C14orf39: variants seen among roughly 807,000 people sequenced by gnomAD.
C14orf39 encodes chromosome 14 open reading frame 39, also known as protein SIX6OS1.
In C14orf39, 66 loss-of-function variants were observed where a neutral mutation model predicts 85.6. The observed-to-expected ratio is 0.77, with a 90% CI of 0.63 to 0.95. The LOEUF (loss-of-function observed/expected upper bound fraction) is 0.95, where lower values mean the gene tolerates loss of function less well. Among genes scored for constraint, C14orf39 ranks in the 40% least tolerant of loss-of-function variants. The pLI, the probability that C14orf39 is intolerant of heterozygous loss-of-function variation, is 0.00. For synonymous variants in C14orf39, 242 were observed against 214.0 expected, an observed-to-expected ratio of 1.13 and a Z score of -1.14; for missense variants, 735 against 663.9, an observed-to-expected ratio of 1.11 and a Z score of -1.18.
chr14:60,493,741 AAAAAGG>A (rs1188501103), intron 2 of C14orf39: 1 of 152,260 alleles, frequency 6.6e-6, no homozygotes, highest in Non-Finnish European at 1.5e-5. Flanking sequence ...TATCAGTAAG[AAAAAGG>A]AAAACAGGAA....
chr14:60,440,344 A>G (rs1214507045), intron 17 of C14orf39, among the ~76,000 whole-genome samples: 1 of 152,202 alleles, frequency 6.6e-6, no homozygotes, highest in African/African-American at 2.4e-5. Context: ...AGAGCCTTCC[A>G]TATTTCTATA....
At chr14:60,441,950 A>G in intron 17 of C14orf39, 124 bp downstream of exon 17, 2 of 619,816 alleles carry the variant, frequency 3.2e-6, no homozygotes, top group Non-Finnish European at 5.8e-6. Context: ...ATCAGTGAGT[A>G]GTGCAGAAGT....
upstream of C14orf39, among the ~76,000 whole-genome samples, chr14:60,490,247 A>G (rs1892966475): frequency 6.6e-6 from 1 of 152,108 alleles, no homozygotes; most frequent in African/African-American, 2.4e-5. Flanking sequence ...TATCAATCCA[A>G]GTCAGTAATT....
chr14:60,481,353 A>C (rs1892630166), intron 4 of C14orf39, among the ~76,000 whole-genome samples: 1 of 152,198 alleles, frequency 6.6e-6, no homozygotes, highest in African/African-American at 2.4e-5. Context: ...AAATGGAATC[A>C]CTTAATCAAA....
In C14orf39 at chr14:60,495,650, G is replaced by A. The variant is rs148025010; in HGVS notation, c.-9+3646C>T. 544 of 198,386 alleles carry A rather than the reference G, an allele frequency of 2.7e-3. 3 individuals are homozygous for A. The highest frequency in any genetic ancestry group is 0.012 in the African/African-American group (503 of 42,994). 12.3% of individuals were successfully genotyped at this position (198,386 alleles called of 1,614,324 possible). On this transcript the variant is annotated intron_variant, in intron 2 of 5. Transcript: ENST00000556799. ...GAAAATATCTATGAAAGCACACCTT[G>A]GATTACCCTTGGTGGTGAAGCCATG...
intron 17 of C14orf39, among the ~76,000 whole-genome samples, chr14:60,437,430 T>G (rs1051414726): frequency 6.6e-6 from 1 of 151,948 alleles, no homozygotes; most frequent in East Asian, 1.9e-4. Context: ...ATAATAAAGA[T>G]GTATTAAGTG....
intron 11 of C14orf39, among the ~76,000 whole-genome samples, chr14:60,465,481 T>C (rs1190894614): frequency 6.6e-6 from 1 of 152,080 alleles, no homozygotes; most frequent in Non-Finnish European, 1.5e-5. Context: ...AGTCATTCCA[T>C]TGCTGATGCC....
At chr14:60,490,938 A>G (rs1028819429), upstream of C14orf39, among the ~76,000 whole-genome samples, 11 of 152,234 alleles carry the variant, frequency 7.2e-5, no homozygotes, top group African/African-American at 2.7e-4. Context: ...TTGGGTAGAT[A>G]TATTTCATTA....
chr14:60,477,808 G>T (rs1369086934), intron 5 of C14orf39, among the ~76,000 whole-genome samples: 1 of 151,998 alleles, frequency 6.6e-6, no homozygotes, highest in African/African-American at 2.4e-5. Flanking sequence ...ATATATCTAG[G>T]ATTAGAGAGA....
At chr14:60,492,603 CAA>C (rs33957461) in intron 2 of C14orf39, among the ~76,000 whole-genome samples, 195 of 146,414 alleles carry the variant, frequency 1.3e-3, no homozygotes, top group Middle Eastern at 7.1e-3. Flanking sequence ...TTATCTCTAC[CAA>C]AAAAAAAAAA....
At chr14:60,439,801 C>T (rs201584275) in intron 17 of C14orf39, among the ~76,000 whole-genome samples, 13 of 152,272 alleles carry the variant, frequency 8.5e-5, no homozygotes, top group East Asian at 7.7e-4. Flanking sequence ...GGGCTGGGTA[C>T]GGTGGCTCAC....
In C14orf39 at chr14:60,495,294, A is replaced by T. The variant is rs139173641; in HGVS notation, c.-9+4002T>A. 839 of 220,916 alleles carry T rather than the reference A, an allele frequency of 3.8e-3. 2 individuals are homozygous for T. The highest frequency in any genetic ancestry group is 5.3e-3 in the Non-Finnish European group (546 of 103,878). 13.7% of individuals were successfully genotyped at this position (220,916 alleles called of 1,614,324 possible). A position where few individuals can be genotyped will look rare whatever the true frequency, so the allele number is the denominator to read the frequency against. On this transcript the variant is annotated intron_variant, in intron 2 of 5. Coordinates refer to the C14orf39 transcript ENST00000556799. ...ATTTCTGGGTCTCTGACCCTGGCTC[A>T]TGGATTCCACTCCGTTGGAGGCCAC...
intron 17 of C14orf39, among the ~76,000 whole-genome samples, chr14:60,437,297 A>C (rs1181537302): frequency 6.6e-6 from 1 of 151,994 alleles, no homozygotes; most frequent in Non-Finnish European, 1.5e-5. Context: ...GAACTAGTAT[A>C]AAAAGTAAAA....
At position 60,485,051 on chromosome 14, in the gene C14orf39, C is replaced by G. The variant is rs1192462974; in HGVS notation, c.28G>C (p.Asp10His). MNDSLFVSL[D>H]RLLLEFVFQY... is the part of the protein sequence containing the mutation. Reference sequence around the variant, plus strand: ...CTACCAAATTCTAGCAAAAGTCTGTCCAAACTGACAAACAGGCTGTCATTC... The same window carrying G: ...CTACCAAATTCTAGCAAAAGTCTGTGCAAACTGACAAACAGGCTGTCATTC... Residue 10 changes from aspartate (D) to histidine (H), a missense_variant, in exon 2 of 18, where the codon GAC becomes CAC. Transcript: ENST00000321731. The G allele has an allele frequency of 6.2e-7, 1 of 1,609,312 alleles. No homozygotes were observed. The highest frequency in any genetic ancestry group is 8.5e-7 in the Non-Finnish European group (1 of 1,179,088).
chr14:60,512,344 G>A (rs1216298972), intron 1 of C14orf39: 1 of 152,170 alleles, frequency 6.6e-6, no homozygotes, highest in Non-Finnish European at 1.5e-5. Context: ...AAAAGCAGCA[G>A]GCACCCATGA....
At chr14:60,448,011 T>G (rs1890856081) in intron 16 of C14orf39, among the ~76,000 whole-genome samples, 1 of 152,120 alleles carries the variant, frequency 6.6e-6, no homozygotes, top group Admixed American at 6.6e-5. Flanking sequence ...TGAAACTGGA[T>G]CCCTTCCTTA....
At chr14:60,508,692 C>A (rs951276778) in intron 1 of C14orf39, among the ~76,000 whole-genome samples, 2 of 152,054 alleles carry the variant, frequency 1.3e-5, no homozygotes, top group Admixed American at 6.5e-5. Flanking sequence ...CGCTTCCCCC[C>A]ACCGGCTTCC....
At chr14:60,466,893 T>C in intron 10 of C14orf39, 24 bp downstream of exon 10, 1 of 1,452,580 alleles carries the variant, frequency 6.9e-7, no homozygotes, top group Non-Finnish European at 9.1e-7. Context: ...AATGATGTTT[T>C]TGAATAACAA....
upstream of C14orf39, among the ~76,000 whole-genome samples, chr14:60,489,924 A>G (rs1025717472): frequency 3.9e-5 from 6 of 152,214 alleles, no homozygotes; most frequent in African/African-American, 1.4e-4. Context: ...ATTATGCCAT[A>G]AAATTTGTTC....
Sources: gnomAD v4.1 joint callset for allele counts (sites outside exome capture counted in the v4.1 genomes callset) on GRCh38, gnomAD v4.1.1 for gene constraint, MANE v1.5 for transcripts, NCBI Gene and HGNC (gene_info 2026-07-23, HGNC 2026-07-21) for gene names.